The following CRISP1 variants were observed in gnomAD, a reference collection of about 807,000 sequenced individuals.
CRISP1 encodes the protein cysteine-rich secretory protein 1.
In CRISP1, 44 loss-of-function variants were observed where a neutral mutation model predicts 33.1. That is an observed-to-expected ratio of 1.33 (90% CI 1.05 to 1.71). CRISP1 has a LOEUF of 1.71. Ranked by LOEUF, CRISP1 falls within the 40% of genes most tolerant of loss-of-function variation. The pLI, the probability that CRISP1 is intolerant of heterozygous loss-of-function variation, is 0.00. For synonymous variants in CRISP1, 103 were observed against 98.7 expected, an observed-to-expected ratio of 1.04 and a Z score of -0.26; for missense variants, 390 against 301.2, an observed-to-expected ratio of 1.29 and a Z score of -2.18.
intron 2 of CRISP1, among the ~76,000 whole-genome samples, chr6:49,855,195 C>T (rs549898826): frequency 2.0e-5 from 3 of 152,106 alleles, no homozygotes; most frequent in Non-Finnish European, 4.4e-5. Flanking sequence ...ACTGGCCTCC[C>T]AGAATCCACT....
At chr6:49,836,366 C>T (rs1361024192) in intron 7 of CRISP1, among the ~76,000 whole-genome samples, 2 of 149,054 alleles carry the variant, frequency 1.3e-5, no homozygotes, top group African/African-American at 4.9e-5. Context: ...GACGGAGTCT[C>T]GCTCTGTGGC....
In CRISP1 at chr6:49,848,298, C is replaced by A. The variant is rs1219264584; in HGVS notation, c.197G>T (p.Ser66Ile). The change falls in exon 4 of 8, where the codon AGT (serine) becomes ATT (isoleucine). Residue 66 changes from serine to isoleucine, a missense_variant and splice_region_variant. Ser to Ile is a moderately radical substitution (Grantham distance 142). Transcript: ENST00000335847. ...VPPASNMLKM[S>I]WSEEAAQNAR... ...ATTTTGTGCAGCCTCTTCACTCCAA[C>A]TCTGTAGTGGAAAGAAAAAAAAAGC... is the stretch of plus-strand genomic sequence containing the variant. The A allele has an allele frequency of 6.3e-7, 1 of 1,576,012 alleles. No individual in the cohort carries two copies. The highest frequency in any genetic ancestry group is 8.6e-7 in the Non-Finnish European group (1 of 1,159,122).
chr6:49,840,360 A>G (rs1770943289), intron 6 of CRISP1, among the ~76,000 whole-genome samples: 1 of 152,186 alleles, frequency 6.6e-6, no homozygotes, highest in Non-Finnish European at 1.5e-5. Context: ...AGAATCTGTA[A>G]CATGTATATT....
chr6:49,856,940 T>C (rs1390450369), intron 2 of CRISP1, among the ~76,000 whole-genome samples: 1 of 152,168 alleles, frequency 6.6e-6, no homozygotes, highest in Non-Finnish European at 1.5e-5. Context: ...TTGGCACCTT[T>C]CCATTTTATA....
intron 6 of CRISP1, among the ~76,000 whole-genome samples, chr6:49,840,283 G>A (rs1770941058): frequency 6.6e-6 from 1 of 152,116 alleles, no homozygotes; most frequent in African/African-American, 2.4e-5. Context: ...AGGAGAAGAA[G>A]GTGCAGCAGA....
intron 3 of CRISP1, among the ~76,000 whole-genome samples, chr6:49,851,396 T>C (rs1404403173): frequency 1.3e-5 from 2 of 152,182 alleles, no homozygotes; most frequent in Non-Finnish European, 2.9e-5. Context: ...AAATTTGTCT[T>C]GTAGCAGAGC....
At chr6:49,862,156 A>G (rs1771671464) in intron 1 of CRISP1, among the ~76,000 whole-genome samples, 1 of 152,174 alleles carries the variant, frequency 6.6e-6, no homozygotes, top group African/African-American at 2.4e-5. Context: ...TAGAAAACCT[A>G]AAGACTCCAC....
rs1393601630 is a variant in CRISP1, at chr6:49,839,484, AC to A, written c.534-960del. On this transcript the variant is annotated intron_variant, in intron 6 of 7. Transcript: ENST00000335847. The stretch of plus-strand genomic sequence containing the variant: ...AAACAAAAAAGAAAAGACAATTCTT[AC>A]CCATGTATGTCTAAAAACATAATGT... Among the ~76,000 whole-genome samples the A allele has an allele frequency of 2.6e-5, 4 of 152,064 alleles. No individual in the cohort carries two copies. The East Asian group carries it at 7.7e-4, about 29-fold the overall frequency.
rs138699394 is a variant in CRISP1, at chr6:49,852,127, C to A, written c.69G>T (p.Lys23Asn). 1,878 of 1,606,880 alleles carry A rather than the reference C, an allele frequency of 1.2e-3. 3 individuals are homozygous for A. Among genetic ancestry groups the A allele is most frequent in the Non-Finnish European group, 1.4e-3 (1,658 of 1,177,894 alleles). Residue 23 changes from lysine (K) to asparagine (N), a missense_variant and splice_region_variant, in exon 3 of 8, where the codon AAG (lysine) becomes AAT (asparagine). Coordinates refer to ENST00000335847, the MANE Select transcript of CRISP1 (RefSeq NM_001131.3). The part of the protein sequence containing the change: ...ACLLPMLSMK[K>N]KSARDQFNKL... ...TATTAAATTGGTCTCTAGCTGATTTCTTCTGTTACCAGAAAAATATTAATT... is the reference window on the plus strand; with the variant it reads ...TATTAAATTGGTCTCTAGCTGATTTATTCTGTTACCAGAAAAATATTAATT...
intron 1 of CRISP1, among the ~76,000 whole-genome samples, chr6:49,865,833 A>G (rs1180603996): frequency 5.3e-5 from 8 of 152,162 alleles, no homozygotes; most frequent in African/African-American, 1.9e-4. Context: ...AGATGGAAAG[A>G]CTGCAGAAAG....
chr6:49,870,010 C>T (rs181438119), upstream of CRISP1, among the ~76,000 whole-genome samples: 1 of 152,250 alleles, frequency 6.6e-6, no homozygotes, highest in East Asian at 1.9e-4. Context: ...AATCTAACAG[C>T]TCTTTGATCT....
Position 49,846,183 on chromosome 6 carries a change from A to C in CRISP1, c.435+337T>G, listed in dbSNP as rs188476484. 1.4e-4 allele frequency among the ~76,000 whole-genome samples: 21 copies of C among 152,294 alleles called. No individual in the cohort carries two copies. In the East Asian group the frequency reaches 3.9e-3, roughly 28 times the overall value. ...TTAAATGTATATCTTACCACAATAAAACTAAAGTTAGAAATCAGGGGTTTC... is the reference window on the plus strand; with the variant it reads ...TTAAATGTATATCTTACCACAATAACACTAAAGTTAGAAATCAGGGGTTTC... On this transcript the variant is annotated intron_variant, in intron 5 of 7. Transcript: ENST00000335847.
chr6:49,861,370 A>G (rs1771648238), intron 1 of CRISP1, among the ~76,000 whole-genome samples: 1 of 152,194 alleles, frequency 6.6e-6, no homozygotes, highest in African/African-American at 2.4e-5. Flanking sequence ...CAAATCCAAC[A>G]GCACATGTAA....
chr6:49,852,970 A>G (rs1301788283), intron 2 of CRISP1, among the ~76,000 whole-genome samples: 1 of 151,902 alleles, frequency 6.6e-6, no homozygotes, highest in Non-Finnish European at 1.5e-5. Flanking sequence ...TGCTTCCTTA[A>G]CTACCACATG....
chr6:49,871,868 A>G (rs1179707000), intron 1 of CRISP1, among the ~76,000 whole-genome samples: 3 of 152,116 alleles, frequency 2.0e-5, no homozygotes, highest in Non-Finnish European at 4.4e-5. Context: ...ATATGTGTGC[A>G]CGTGTCTTTA....
At chr6:49,865,678 T>C (rs952201269) in intron 1 of CRISP1, among the ~76,000 whole-genome samples, 1 of 152,038 alleles carries the variant, frequency 6.6e-6, no homozygotes, top group Non-Finnish European at 1.5e-5. Context: ...GGGATTGAGA[T>C]AGAAACTGGA....
intron 3 of CRISP1, among the ~76,000 whole-genome samples, chr6:49,849,807 G>A (rs1582269046): frequency 1.3e-5 from 2 of 152,096 alleles, no homozygotes; most frequent in East Asian, 1.9e-4. Context: ...TTACTAAACC[G>A]TGAGATGAAT....
At chr6:49,844,588 G>A (rs576593970) in intron 5 of CRISP1, among the ~76,000 whole-genome samples, 1 of 152,174 alleles carries the variant, frequency 6.6e-6, no homozygotes, top group South Asian at 2.1e-4. Context: ...GAGCTAAAGG[G>A]AAGAGGCTGC....
intron 1 of CRISP1, among the ~76,000 whole-genome samples, chr6:49,874,706 C>A (rs1453620551): frequency 2.0e-5 from 3 of 152,054 alleles, no homozygotes; most frequent in Non-Finnish European, 4.4e-5. Context: ...ACTTATCCAC[C>A]ACGATCAAGC....
Sources: gnomAD v4.1 joint callset for allele counts (sites outside exome capture counted in the v4.1 genomes callset) on GRCh38, gnomAD v4.1.1 for gene constraint, MANE v1.5 for transcripts, NCBI Gene and HGNC (gene_info 2026-07-23, HGNC 2026-07-21) for gene names.